The following DTNB variants were observed in gnomAD, a reference collection of about 807,000 sequenced individuals.
DTNB encodes DTN-B.
Under a neutral mutation model 90.7 loss-of-function variants are expected in DTNB, and 63 were observed. That is an observed-to-expected ratio of 0.69 (90% CI 0.57 to 0.86). The LOEUF (loss-of-function observed/expected upper bound fraction) is 0.86, where lower values mean the gene tolerates loss of function less well. Ranked by LOEUF, DTNB falls within the 40% of genes least tolerant of loss-of-function variation. DTNB has a pLI of 0.00. For synonymous variants in DTNB, 277 were observed against 286.7 expected (o/e 0.97, Z 0.34); for missense variants, 744 against 807.1 (o/e 0.92, Z 0.95).
chr2:25,461,501 G>T (rs2060943529), intron 10 of DTNB, among the ~76,000 whole-genome samples: 1 of 152,148 alleles, frequency 6.6e-6, no homozygotes, highest in South Asian at 2.1e-4. Context: ...TCAGAAATTT[G>T]TTTTTCCAAA....
chr2:25,555,894 C>T (rs894016089), intron 8 of DTNB, among the ~76,000 whole-genome samples: 4 of 152,022 alleles, frequency 2.6e-5, no homozygotes, highest in Admixed American at 1.3e-4. Context: ...GTGGCGTGTG[C>T]CTGTAATCCC....
intron 1 of DTNB, among the ~76,000 whole-genome samples, chr2:25,670,182 G>C (rs979994833): frequency 6.6e-6 from 1 of 152,132 alleles, no homozygotes; most frequent in African/African-American, 2.4e-5. Flanking sequence ...CATTCTGTTA[G>C]GGGAAAAAAC....
At chr2:25,394,794 T>G (rs1573786639) in intron 16 of DTNB, among the ~76,000 whole-genome samples, 1 of 152,246 alleles carries the variant, frequency 6.6e-6, no homozygotes, top group East Asian at 1.9e-4. Context: ...GAATGTAAAC[T>G]AGTACAACTA....
At chr2:25,388,855 T>A in intron 16 of DTNB, among the ~76,000 whole-genome samples, 1 of 151,922 alleles carries the variant, frequency 6.6e-6, no homozygotes, top group Non-Finnish European at 1.5e-5. Flanking sequence ...TATACGTATA[T>A]ATCTTTTTTG....
chr2:25,532,808 A>C (rs889250482), intron 8 of DTNB, among the ~76,000 whole-genome samples: 2 of 152,192 alleles, frequency 1.3e-5, no homozygotes, highest in South Asian at 4.1e-4. Flanking sequence ...AAAATAAAAC[A>C]TGGCTGCAGC....
At chr2:25,583,856 T>C (rs1043612636) in intron 6 of DTNB, among the ~76,000 whole-genome samples, 1 of 151,444 alleles carries the variant, frequency 6.6e-6, no homozygotes, top group African/African-American at 2.4e-5. Flanking sequence ...GATGACAAGG[T>C]AGAATTAGAT....
At chr2:25,609,657 T>TACAC (rs4007298) in intron 4 of DTNB, among the ~76,000 whole-genome samples, 5,081 of 126,812 alleles carry the variant, frequency 0.04, 81 homozygotes, top group African/African-American at 0.06. Context: ...TAATAGAATG[T>TACAC]ACACACACAC....
intron 8 of DTNB, among the ~76,000 whole-genome samples, chr2:25,550,323 G>A (rs1383326388): frequency 3.9e-5 from 6 of 152,046 alleles, no homozygotes; most frequent in African/African-American, 1.2e-4. Flanking sequence ...CCCGGGAGGC[G>A]GAGCTTGCAG....
intron 2 of DTNB, among the ~76,000 whole-genome samples, chr2:25,643,516 A>G (rs2078804812): frequency 6.6e-6 from 1 of 152,212 alleles, no homozygotes; most frequent in Admixed American, 6.5e-5. Flanking sequence ...ACTCTGATCT[A>G]CTTTCTCCTA....
At chr2:25,560,743 G>T (rs1168627480) in intron 8 of DTNB, among the ~76,000 whole-genome samples, 2 of 152,194 alleles carry the variant, frequency 1.3e-5, no homozygotes, top group Admixed American at 1.3e-4. Flanking sequence ...ACCCTATTGA[G>T]TCTGTTTCTC....
rs146251976 is a variant in DTNB at position 25,570,406 on chromosome 2, C to CAAAAAAAAAAAAA, written c.876+6419_876+6431dup. Among the ~76,000 whole-genome samples, 71 of 89,854 alleles carry CAAAAAAAAAAAAA rather than the reference C, an allele frequency of 7.9e-4. 1 individual carries two copies. The highest frequency in any genetic ancestry group is 2.4e-3 in the East Asian group (7 of 2,882). The allele number at this position is 89,854 out of a possible 152,430, so 58.9% of individuals were successfully genotyped here. A position where few individuals can be genotyped will look rare whatever the true frequency, so the allele number is the denominator to read the frequency against. On this transcript the variant is annotated intron_variant, in intron 8 of 20. Transcript: ENST00000406818. ...TGGACAATAGAGTGGTTTCCTGTCT[C>CAAAAAAAAAAAAA]AAAAAAAAAAAAAAAAAAAAAAAAA...
chr2:25,383,828 G>A lies in DTNB; in HGVS notation c.1879+8C>T, dbSNP rs2038633537. The stretch of plus-strand genomic sequence containing the variant: ...TTTAAACGAGCAGTCCTGCTGAGCT[G>A]CCTTTACCTCTGTCTTTCCCATTCT... On this transcript the variant is annotated splice_region_variant and intron_variant, in intron 19 of 20. Transcript: ENST00000406818. 1 of 1,613,930 alleles carries A rather than the reference G, an allele frequency of 6.2e-7. No individual in the cohort carries two copies. The highest frequency in any genetic ancestry group is 1.1e-5 in the South Asian group (1 of 91,090).
intron 20 of DTNB, among the ~76,000 whole-genome samples, chr2:25,377,857 G>C (rs992800437): frequency 8.5e-5 from 13 of 152,336 alleles, no homozygotes; most frequent in African/African-American, 2.6e-4. Flanking sequence ...TGAATACTAA[G>C]AGGAAAGGGA....
At chr2:25,470,688 A>C (rs1327479927) in intron 10 of DTNB, among the ~76,000 whole-genome samples, 2 of 152,082 alleles carry the variant, frequency 1.3e-5, no homozygotes, top group Non-Finnish European at 2.9e-5. Context: ...GAAGACAACA[A>C]TTTTGGATCA....
At chr2:25,620,391 A>T (rs969884276) in intron 4 of DTNB, among the ~76,000 whole-genome samples, 5 of 152,176 alleles carry the variant, frequency 3.3e-5, no homozygotes, top group African/African-American at 9.7e-5. Context: ...TACTGAATGG[A>T]CAGGAGAAGT....
chr2:25,522,213 G>T (rs111590866), intron 9 of DTNB, among the ~76,000 whole-genome samples: 2 of 152,144 alleles, frequency 1.3e-5, no homozygotes, highest in Non-Finnish European at 2.9e-5. Context: ...TTGAATACAC[G>T]TCTTGCAATT....
intron 12 of DTNB, among the ~76,000 whole-genome samples, chr2:25,443,969 A>G (rs995439651): frequency 6.6e-6 from 1 of 152,162 alleles, no homozygotes; most frequent in African/African-American, 2.4e-5. Context: ...TGACAAGGAG[A>G]TGGGGGCTGT....
At chr2:25,494,453 T>G in intron 9 of DTNB, among the ~76,000 whole-genome samples, 1 of 133,390 alleles carries the variant, frequency 7.5e-6, no homozygotes, top group African/African-American at 2.9e-5. Flanking sequence ...CTTGAAGTAG[T>G]TTAAGTGGTA....
At chr2:25,603,226 A>T (rs1001110974) in intron 5 of DTNB, among the ~76,000 whole-genome samples, 2 of 152,220 alleles carry the variant, frequency 1.3e-5, no homozygotes, top group African/African-American at 4.8e-5. Context: ...TAAATTGCAC[A>T]GTCAAATTAA....
Sources: allele counts gnomAD v4.1 joint callset (sites outside exome capture counted in the v4.1 genomes callset), GRCh38; gene constraint gnomAD v4.1.1; transcripts MANE v1.5; gene names NCBI Gene and HGNC (gene_info 2026-07-23, HGNC 2026-07-21).